KCNMA1: variants seen among roughly 807,000 people sequenced by gnomAD.
KCNMA1 encodes the protein Calcium-activated potassium channel subunit alpha-1.
A neutral mutation model predicts 140.0 loss-of-function variants in KCNMA1; 29 were observed. The observed-to-expected ratio is 0.21, with a 90% CI of 0.15 to 0.28. The LOEUF is 0.28. Among genes scored for constraint, KCNMA1 ranks in the 10% least tolerant of loss-of-function variants. KCNMA1 has a pLI of 1.00. For synonymous variants in KCNMA1, 612 were observed against 611.9 expected, an observed-to-expected ratio of 1.00 and a Z score of 0.00; for missense variants, 880 against 1,602.2, an observed-to-expected ratio of 0.55 and a Z score of 7.70.
Position 77,108,465 on chromosome 10 carries a change from C to T in KCNMA1, c.1223+16G>A. 1 of 1,611,118 alleles carries T rather than the reference C, an allele frequency of 6.2e-7. No individual in the cohort carries two copies. The highest frequency in any genetic ancestry group is 2.2e-5 in the East Asian group (1 of 44,852). On this transcript the variant is annotated intron_variant, in intron 9 of 27. Transcript: ENST00000286628. This position sits in a 1 kb window ranked among gnomAD's most constrained non-coding sequence, Gnocchi z 4.6. ...TCTACCGCAGCAGAGGCAGCAAAAC[C>T]TCTTGGCATACTTACTTTCTTCCAC...
chr10:77,631,648 AAG>A (rs1175425727), intron 1 of KCNMA1, among the ~76,000 whole-genome samples: 2 of 152,126 alleles, frequency 1.3e-5, no homozygotes, highest in African/African-American at 4.8e-5. Context: ...GAGAGAGAGA[AAG>A]AGAGAGACAG....
chr10:77,393,207 T>C (rs1174951403), intron 2 of KCNMA1, among the ~76,000 whole-genome samples: 1 of 152,144 alleles, frequency 6.6e-6, no homozygotes, highest in Non-Finnish European at 1.5e-5. Flanking sequence ...ATTCAGAGCC[T>C]TTCAGATGGC....
chr10:77,321,543 G>A (rs1460719702), intron 2 of KCNMA1, among the ~76,000 whole-genome samples: 1 of 152,166 alleles, frequency 6.6e-6, no homozygotes, highest in African/African-American at 2.4e-5. Flanking sequence ...AAGTCATCCA[G>A]CAGACAGAAC....
chr10:77,043,666 A>G (rs2094865237), intron 14 of KCNMA1, among the ~76,000 whole-genome samples: 1 of 152,252 alleles, frequency 6.6e-6, no homozygotes, highest in Admixed American at 6.5e-5. Flanking sequence ...GTCTTAAAAA[A>G]GAAGAAAACT....
chr10:77,139,558 A>C (rs1225240250), intron 5 of KCNMA1, among the ~76,000 whole-genome samples: 1 of 152,222 alleles, frequency 6.6e-6, no homozygotes, highest in Non-Finnish European at 1.5e-5. Flanking sequence ...CCCACATCAG[A>C]ATCCTAAACT....
chr10:77,627,857 A>T (rs2092719122), intron 1 of KCNMA1, among the ~76,000 whole-genome samples: 2 of 152,234 alleles, frequency 1.3e-5, no homozygotes, highest in Non-Finnish European at 2.9e-5. Flanking sequence ...AGCACTGGGG[A>T]GGAATCGCAC....
chr10:77,376,193 C>T (rs2095090994), intron 2 of KCNMA1, among the ~76,000 whole-genome samples: 1 of 152,162 alleles, frequency 6.6e-6, no homozygotes, highest in Non-Finnish European at 1.5e-5. Context: ...GCTATGACCA[C>T]CCAGGGGGCT....
intron 25 of KCNMA1, among the ~76,000 whole-genome samples, chr10:76,900,135 G>A (rs2044459491): frequency 6.6e-6 from 1 of 151,888 alleles, no homozygotes; most frequent in African/African-American, 2.4e-5. Flanking sequence ...AAAATGTAGA[G>A]ATCATTTTTA....
intron 5 of KCNMA1, among the ~76,000 whole-genome samples, chr10:77,155,515 C>T (rs1410195209): frequency 6.6e-6 from 1 of 152,142 alleles, no homozygotes; most frequent in Non-Finnish European, 1.5e-5. Flanking sequence ...CAGTGGAACT[C>T]CAGATGTGTG....
rs1244792387 is a variant in KCNMA1 at position 77,617,154 on chromosome 10, A to G, written c.378+20111T>C. The stretch of plus-strand genomic sequence containing the variant: ...GTGAACTGTTGAACTTACTTTGCTG[A>G]GACATAAAATTGGACATGGGTAGAA... On this transcript the variant is annotated intron_variant, in intron 1 of 27. Transcript: ENST00000286628. 3.9e-5 allele frequency among the ~76,000 whole-genome samples: 6 copies of G among 152,200 alleles called. No homozygotes were observed. In the East Asian group the frequency reaches 1.2e-3, roughly 29 times the overall value.
At chr10:77,390,325 T>C (rs963243227) in intron 2 of KCNMA1, among the ~76,000 whole-genome samples, 7 of 152,302 alleles carry the variant, frequency 4.6e-5, no homozygotes, top group Admixed American at 3.3e-4. Context: ...ATATCCAGAA[T>C]TGATCTCAAA....
intron 3 of KCNMA1, among the ~76,000 whole-genome samples, chr10:77,236,285 C>T (rs1457162255): frequency 6.6e-6 from 1 of 152,200 alleles, no homozygotes; most frequent in East Asian, 1.9e-4. Flanking sequence ...GGCCTATGTA[C>T]TTTGTCCTTT....
intron 5 of KCNMA1, among the ~76,000 whole-genome samples, chr10:77,150,905 G>A (rs1017676980): frequency 6.6e-6 from 1 of 152,160 alleles, no homozygotes; most frequent in Non-Finnish European, 1.5e-5. Flanking sequence ...AAGGAAGGGA[G>A]GAAGAAGGGA....
chr10:77,307,493 C>A (rs913575977), intron 2 of KCNMA1, among the ~76,000 whole-genome samples: 1 of 152,114 alleles, frequency 6.6e-6, no homozygotes, highest in African/African-American at 2.4e-5. Context: ...GATAATTTTG[C>A]CCAACTATGA....
At chr10:77,272,043 G>A (rs999886649) in intron 2 of KCNMA1, among the ~76,000 whole-genome samples, 1 of 152,148 alleles carries the variant, frequency 6.6e-6, no homozygotes, top group Non-Finnish European at 1.5e-5. Flanking sequence ...ACTGAGTTGT[G>A]AGCAAGCAAG....
chr10:77,341,944 C>T (rs2154376594), intron 2 of KCNMA1, among the ~76,000 whole-genome samples: 1 of 152,320 alleles, frequency 6.6e-6, no homozygotes, highest in East Asian at 1.9e-4. Flanking sequence ...TCCTAACCCA[C>T]CATGGACAGA....
chr10:76,960,000 T>A (rs2070350472), intron 20 of KCNMA1, among the ~76,000 whole-genome samples: 1 of 152,188 alleles, frequency 6.6e-6, no homozygotes, highest in South Asian at 2.1e-4. Flanking sequence ...TGAAGGCCAG[T>A]GCTGCAGGGT....
At chr10:77,419,080 C>T (rs887059015) in intron 1 of KCNMA1, among the ~76,000 whole-genome samples, 5 of 152,206 alleles carry the variant, frequency 3.3e-5, no homozygotes, top group Non-Finnish European at 2.9e-5. Flanking sequence ...CCCACAATCT[C>T]CCCTGGACAG....
At chr10:77,170,146 G>A (rs1438765689) in intron 5 of KCNMA1, among the ~76,000 whole-genome samples, 2 of 152,138 alleles carry the variant, frequency 1.3e-5, no homozygotes, top group African/African-American at 4.8e-5. Context: ...AGCCAAGATT[G>A]TGCCACTGCA....
Sources: gnomAD v4.1 joint callset for allele counts (sites outside exome capture counted in the v4.1 genomes callset) on GRCh38, gnomAD v4.1.1 for gene constraint, Gnocchi (gnomAD v3.1) non-coding constraint, MANE v1.5 for transcripts, NCBI Gene and HGNC (gene_info 2026-07-23, HGNC 2026-07-21) for gene names.